Variants in APC2 observed in about 807,000 individuals in gnomAD.
APC2 encodes the protein APC regulator of Wnt signaling pathway 2.
Under a neutral mutation model 72.5 loss-of-function variants are expected in APC2, and 41 were observed. The observed-to-expected ratio is 0.57, with a 90% CI of 0.44 to 0.73. APC2 has a LOEUF of 0.73. Ranked by LOEUF, APC2 falls within the 30% of genes least tolerant of loss-of-function variation. APC2 has a pLI of 0.00. For synonymous variants in APC2, 1,898 were observed against 1,612.0 expected (o/e 1.18, Z -4.25); for missense variants, 3,729 against 3,403.4 (o/e 1.10, Z -2.38).
At position 1,457,895 on chromosome 19, in the gene APC2, C is replaced by CGGGGGGAGG. The variant is rs71174372; in HGVS notation, c.1208-67_1208-66insGGGAGGGGG. 1.9e-6 allele frequency: 2 copies of CGGGGGGAGG among 1,067,862 alleles called. 1 individual carries two copies. Among genetic ancestry groups the CGGGGGGAGG allele is most frequent in the African/African-American group, 5.8e-5 (2 of 34,518 alleles). 66.1% of individuals were successfully genotyped at this position (1,067,862 alleles called of 1,614,324 possible). On this transcript the variant is annotated intron_variant, in intron 9 of 14. Transcript: ENST00000590469. Reference sequence around the variant, plus strand: ...CTTCAGGCCTGGGGCGGGCGGGTTGCGGGACCTTCGGGAGTCACCTGGGAC... The same window carrying CGGGGGGAGG: ...CTTCAGGCCTGGGGCGGGCGGGTTGCGGGGGGAGGGGGACCTTCGGGAGTCACCTGGGAC...
At chr19:1,461,193 C>A in intron 13 of APC2, 40 bp downstream of exon 13, 1 of 1,547,128 alleles carries the variant, frequency 6.5e-7, no homozygotes, top group Non-Finnish European at 8.8e-7. Flanking sequence ...TCTTCAGTCA[C>A]TGGAAGGAGA....
chr19:1,466,232 G>GC lies in APC2; in HGVS notation c.2936dup (p.Ala980GlyfsTer27). On this transcript the variant is annotated frameshift_variant, in exon 15 of 15. Transcript: ENST00000590469. LOFTEE classifies it low-confidence loss of function (END_TRUNC). ...TTGACCTGCCCGGCTGCCAGGCCGA[G>GC]CCCCCGGCCCGCGAGGCCACCTCCG... The GC allele has an allele frequency of 2.0e-6, 3 of 1,538,008 alleles. No individual in the cohort carries two copies. Among genetic ancestry groups the GC allele is most frequent in the Non-Finnish European group, 2.6e-6 (3 of 1,149,294 alleles).
rs369609345 is a variant in APC2 at position 1,453,638 on chromosome 19, G to C, written c.413+27G>C. On this transcript the variant is annotated intron_variant, in intron 4 of 14. Coordinates refer to ENST00000590469, the MANE Select transcript of APC2 (RefSeq NM_005883.3). ...TGAGTGGGCGTGGGAACCCAGCCTC[G>C]GGCAGCTGGAGCATGACTCGGTCCC... 8 of 1,572,750 alleles carry C rather than the reference G, an allele frequency of 5.1e-6. No homozygotes were observed. In the East Asian group the frequency reaches 1.4e-4, roughly 28 times the overall value.
At position 1,471,618 on chromosome 19, in the gene APC2, G is replaced by A. The variant is rs111479128; in HGVS notation, c.*1405G>A. The A allele has an allele frequency of 0.046, 7,001 of 152,288 alleles. 185 individuals are homozygous for A. Among genetic ancestry groups the A allele is most frequent in the Middle Eastern group, 0.099 (29 of 294 alleles). The allele number at this position is 152,288 out of a possible 1,614,324, so 9.4% of individuals were successfully genotyped here. ...TTTCTGCAGAAAAGCTCCAGCAGGC[G>A]CTGCCTTCACCCACGGATCTGCCCA... On this transcript the variant is annotated 3_prime_UTR_variant, in exon 15 of 15. Coordinates refer to ENST00000590469, the MANE Select transcript of APC2 (RefSeq NM_005883.3).
chr19:1,468,313 A>C lies in APC2; in HGVS notation c.5012A>C (p.Glu1671Ala). Residue 1671 changes from glutamate (E) to alanine (A), a missense_variant, in exon 15 of 15, where the codon GAG (glutamate) becomes GCG (alanine). Coordinates refer to ENST00000590469, the MANE Select transcript of APC2 (RefSeq NM_005883.3). ...PAEGSRERGE[E>A]AAGSDRASDL... Reference sequence around the variant, plus strand: ...GAGGGGTCCCGGGAACGCGGCGAGGAGGCAGCGGGCTCGGACCGGGCCTCC... The same window carrying C: ...GAGGGGTCCCGGGAACGCGGCGAGGCGGCAGCGGGCTCGGACCGGGCCTCC... 1 of 1,548,434 alleles carries C rather than the reference A, an allele frequency of 6.5e-7. No individual in the cohort carries two copies. The highest frequency in any genetic ancestry group is 2.4e-5 in the East Asian group (1 of 40,920).
At chr19:1,450,367 G>A (rs2083729226) in intron 1 of APC2, 29 bp downstream of exon 1, 5 of 985,294 alleles carry the variant, frequency 5.1e-6, no homozygotes, top group Non-Finnish European at 6.0e-6. Flanking sequence ...GAGGGCAGGG[G>A]CGCGACCTCC....
chr19:1,467,286 G>A lies in APC2; in HGVS notation c.3985G>A (p.Gly1329Ser), dbSNP rs888567293. 2.2e-5 allele frequency: 29 copies of A among 1,319,766 alleles called. No individual in the cohort carries two copies. In the Admixed American group the frequency reaches 4.9e-4, roughly 22 times the overall value. The allele number at this position is 1,319,766 out of a possible 1,614,324, so 81.8% of individuals were successfully genotyped here. The change falls in exon 15 of 15, where the codon GGT becomes AGT. Residue 1329 changes from glycine to serine, a missense_variant. By Grantham distance (56) the Gly-to-Ser change is moderately conservative (BLOSUM62 0). Coordinates refer to ENST00000590469, the MANE Select transcript of APC2 (RefSeq NM_005883.3). ...RRREEGPAPT[G>S]SRPRGAADQE... ...GCGGGAGGAGGGGCCGGCGCCCACG[G>A]GTTCTCGCCCTCGCGGCGCCGCGGA... is the stretch of plus-strand genomic sequence containing the variant.
Position 1,450,227 on chromosome 19 carries a change from C to T in APC2, c.-130C>T. On this transcript the variant is annotated 5_prime_UTR_variant, in exon 1 of 15. Coordinates refer to ENST00000590469, the MANE Select transcript of APC2 (RefSeq NM_005883.3). ...CCCGCGCCGCGGAGACCCCGGAGCCCGCGCGCTCCGAGGCCACCCCGGGCC... is the reference window on the plus strand; with the variant it reads ...CCCGCGCCGCGGAGACCCCGGAGCCTGCGCGCTCCGAGGCCACCCCGGGCC... The T allele has an allele frequency of 1.3e-5, 13 of 985,290 alleles. No individual in the cohort carries two copies. In the South Asian group the frequency reaches 5.6e-4, roughly 43 times the overall value. The allele number at this position is 985,290 out of a possible 1,614,324, so 61.0% of individuals were successfully genotyped here.
intron 14 of APC2, among the ~76,000 whole-genome samples, chr19:1,463,700 T>C (rs1431611648): frequency 6.6e-6 from 1 of 151,596 alleles, no homozygotes; most frequent in African/African-American, 2.4e-5. Context: ...CAGTGACCTG[T>C]GATCACGCTA....
chr19:1,466,049 G>T lies in APC2; in HGVS notation c.2748G>T (p.Lys916Asn). Residue 916 changes from lysine (K) to asparagine (N), a missense_variant, in exon 15 of 15, where the codon AAG becomes AAT. Physicochemically the swap from Lys to Asn is moderately conservative, Grantham distance 94. Coordinates refer to ENST00000590469, the MANE Select transcript of APC2 (RefSeq NM_005883.3). ...GSRAHPLLRL[K>N]AAHASLSNDS... is the part of the protein sequence containing the mutation. ...GGGCGCACCCGCTGCTGCGGCTCAA[G>T]GCGGCCCACGCCAGCCTCTCCAACG... is the stretch of plus-strand genomic sequence containing the variant. The T allele has an allele frequency of 6.7e-7, 1 of 1,503,282 alleles. No homozygotes were observed. 93.1% of individuals were successfully genotyped at this position (1,503,282 alleles called of 1,614,324 possible).
chr19:1,453,575 C>T lies in APC2; in HGVS notation c.377C>T (p.Ala126Val), dbSNP rs1401565822. The T allele has an allele frequency of 6.2e-7, 1 of 1,609,258 alleles. No individual in the cohort carries two copies. Residue 126 changes from alanine (A) to valine (V), a missense_variant, in exon 4 of 15, where the codon GCC becomes GTC. Physicochemically the swap from Ala to Val is moderately conservative, Grantham distance 64 (BLOSUM62 0). Coordinates refer to ENST00000590469, the MANE Select transcript of APC2 (RefSeq NM_005883.3). ...GACAGCTTTGGGGAGCTGAGCCGGGCCACCATCCGGCTGCTGGAGGAACTG... is the reference window on the plus strand; with the variant it reads ...GACAGCTTTGGGGAGCTGAGCCGGGTCACCATCCGGCTGCTGGAGGAACTG... ...SKDSFGELSR[A>V]TIRLLEELDR... is the part of the protein sequence containing the mutation.
Position 1,467,570 on chromosome 19 carries a change from GGGCA to G in APC2, c.4274_4277del (p.Arg1425LysfsTer154). 2 of 1,511,122 alleles carry G rather than the reference GGGCA, an allele frequency of 1.3e-6. No homozygotes were observed. Among genetic ancestry groups the G allele is most frequent in the Non-Finnish European group, 1.8e-6 (2 of 1,135,954 alleles). The allele number at this position is 1,511,122 out of a possible 1,614,324, so 93.6% of individuals were successfully genotyped here. A position where few individuals can be genotyped will look rare whatever the true frequency, so the allele number is the denominator to read the frequency against. On this transcript the variant is annotated frameshift_variant, in exon 15 of 15. Coordinates refer to ENST00000590469, the MANE Select transcript of APC2 (RefSeq NM_005883.3). LOFTEE classifies it low-confidence loss of function (END_TRUNC). ...CCAGGGACCAGCCCGGGGGACCAGC[GGGCA>G]GGCAAAGACCCACCGGCCGCCCCAC...
At position 1,470,255 on chromosome 19, in the gene APC2, C is replaced by A. The variant is rs1168862324; in HGVS notation, c.*42C>A. The A allele has an allele frequency of 2.6e-6, 4 of 1,523,518 alleles. No individual in the cohort carries two copies. Among genetic ancestry groups the A allele is most frequent in the East Asian group, 2.5e-5 (1 of 40,378 alleles). The allele number at this position is 1,523,518 out of a possible 1,614,324, so 94.4% of individuals were successfully genotyped here. On this transcript the variant is annotated 3_prime_UTR_variant, in exon 15 of 15. Transcript: ENST00000590469. The stretch of plus-strand genomic sequence containing the variant: ...TCTGGAACGTTCTCTCCCGGCCCTG[C>A]GGCGCGGTCTGGCTGCCCCATGGGC...
chr19:1,460,928 G>A, intron 12 of APC2, 71 bp downstream of exon 12: 2 of 1,598,120 alleles, frequency 1.3e-6, no homozygotes, highest in Admixed American at 3.3e-5. Flanking sequence ...CCAGCGGTGT[G>A]GTGGGCTGGC....
At chr19:1,447,412 G>C (rs1008742766), upstream of APC2, among the ~76,000 whole-genome samples, 3 of 152,202 alleles carry the variant, frequency 2.0e-5, no homozygotes, top group Non-Finnish European at 4.4e-5. Context: ...GGACAGGGGT[G>C]GGGGAGTGAG....
Position 1,465,201 on chromosome 19 carries a change from C to A in APC2, c.1900C>A (p.Leu634Met). The change falls in exon 15 of 15, where the codon CTG (leucine) becomes ATG (methionine). Residue 634 changes from leucine to methionine, a missense_variant. Physicochemically the swap from Leu to Met is conservative, Grantham distance 15. Transcript: ENST00000590469. ...CTGTCTGCAGACGCTGCTGCAGCAT[C>A]TGACTTCGCACAGCCTGACCATCGT... ...HNCLQTLLQHLTSHSLTIVSN... is the reference protein window; with the variant it reads ...HNCLQTLLQHMTSHSLTIVSN... The A allele has an allele frequency of 6.2e-7, 1 of 1,609,326 alleles. No homozygotes were observed. The highest frequency in any genetic ancestry group is 1.1e-5 in the South Asian group (1 of 90,424).
chr19:1,455,602 G>A, intron 6 of APC2, 102 bp downstream of exon 6: 8 of 1,149,552 alleles, frequency 7.0e-6, no homozygotes, highest in Non-Finnish European at 1.0e-5. Flanking sequence ...AATGGGAGGA[G>A]TCTTATGCCT....
Position 1,466,529 on chromosome 19 carries a change from G to A in APC2, c.3228G>A (p.Leu1076=), listed in dbSNP as rs754547547. The change falls in exon 15 of 15, where the codon CTG becomes CTA. Residue 1076 remains leucine (L), a synonymous_variant. Coordinates refer to ENST00000590469, the MANE Select transcript of APC2 (RefSeq NM_005883.3). The stretch of plus-strand genomic sequence containing the variant: ...CCCGATGCAGCTCCCTTTCCTCGCT[G>A]TCCTCGGCCGGCCGCCCAGGCCCCA... ...SLSRCSSLSS[L]SSAGRPGPSE... The A allele has an allele frequency of 4.4e-6, 7 of 1,589,704 alleles. No homozygotes were observed. In the East Asian group the frequency reaches 1.4e-4, roughly 31 times the overall value.
chr19:1,461,863 A>C (rs9916976), intron 13 of APC2, 100 bp from the exon 14 acceptor site: 71,136 of 1,037,186 alleles, frequency 0.069, 5,780 homozygotes, highest in African/African-American at 0.44. Context: ...AAAAAAAAAA[A>C]CAAAAAACAA....
Sources: allele counts gnomAD v4.1 joint callset (sites outside exome capture counted in the v4.1 genomes callset), GRCh38; gene constraint gnomAD v4.1.1; transcripts MANE v1.5; gene names NCBI Gene and HGNC (gene_info 2026-07-23, HGNC 2026-07-21).